The following WDR72 variants were observed in gnomAD, a reference collection of about 807,000 sequenced individuals.
WDR72 encodes WD repeat-containing protein 72.
Under a neutral mutation model 124.2 loss-of-function variants are expected in WDR72, and 120 were observed. That is an observed-to-expected ratio of 0.97 (90% CI 0.83 to 1.12). WDR72 has a LOEUF of 1.12. Ranked by LOEUF, WDR72 falls within the 50% of genes most tolerant of loss-of-function variation. The pLI is 0.00. For synonymous variants in WDR72, 452 were observed against 441.7 expected (o/e 1.02, Z -0.29); for missense variants, 1,387 against 1,278.8 (o/e 1.08, Z -1.29).
chr15:53,736,420 G>A (rs997001990), intron 1 of WDR72, among the ~76,000 whole-genome samples: 1 of 152,184 alleles, frequency 6.6e-6, no homozygotes, highest in Non-Finnish European at 1.5e-5. Context: ...GGGTATTGGA[G>A]CAGGAACAAG....
At chr15:53,677,021 C>T (rs553982205) in intron 13 of WDR72, among the ~76,000 whole-genome samples, 338 of 151,154 alleles carry the variant, frequency 2.2e-3, no homozygotes, top group Non-Finnish European at 4.2e-3. Context: ...CCTGGGTCCA[C>T]GCCATTCTCC....
intron 16 of WDR72, among the ~76,000 whole-genome samples, chr15:53,610,108 A>G (rs2013476062): frequency 6.6e-6 from 1 of 152,058 alleles, no homozygotes. Flanking sequence ...ACTTTGATCA[A>G]TAGGTAGAGC....
At chr15:53,705,644 G>T (rs892687161) in intron 10 of WDR72, among the ~76,000 whole-genome samples, 1 of 152,008 alleles carries the variant, frequency 6.6e-6, no homozygotes, top group African/African-American at 2.4e-5. Context: ...TTGTATTTTA[G>T]TAGAGACGGG....
At chr15:53,746,898 G>A (rs951305061) in intron 1 of WDR72, among the ~76,000 whole-genome samples, 1 of 152,212 alleles carries the variant, frequency 6.6e-6, no homozygotes, top group African/African-American at 2.4e-5. Context: ...TAGGACAGCA[G>A]AGTAAAGTGG....
intron 1 of WDR72, among the ~76,000 whole-genome samples, chr15:53,743,926 G>A (rs1229067869): frequency 6.7e-6 from 1 of 149,766 alleles, no homozygotes; most frequent in Non-Finnish European, 1.5e-5. Flanking sequence ...AGTGAGCTGA[G>A]ATCGCGCCAC....
chr15:53,592,440 G>A (rs945471279), intron 18 of WDR72, among the ~76,000 whole-genome samples: 8 of 152,028 alleles, frequency 5.3e-5, no homozygotes, highest in Admixed American at 4.6e-4. Flanking sequence ...CCTGCCCTGG[G>A]CCCGTACTTC....
chr15:53,693,481 G>GA (rs969324102), intron 13 of WDR72, among the ~76,000 whole-genome samples: 4 of 152,052 alleles, frequency 2.6e-5, no homozygotes, highest in African/African-American at 4.8e-5. Context: ...GAATATTTTT[G>GA]AAAAACATGA....
At chr15:53,549,960 G>A (rs1217458348) in intron 18 of WDR72, among the ~76,000 whole-genome samples, 3 of 152,148 alleles carry the variant, frequency 2.0e-5, no homozygotes, top group Non-Finnish European at 4.4e-5. Context: ...TTTCATTCAT[G>A]CAGATACTTT....
At chr15:53,519,825 A>AT (rs1184835010) in intron 19 of WDR72, among the ~76,000 whole-genome samples, 1 of 152,044 alleles carries the variant, frequency 6.6e-6, no homozygotes, top group African/African-American at 2.4e-5. Context: ...ATTGTGACCT[A>AT]TATGCAGACT....
At chr15:53,654,353 T>C (rs931339178) in intron 14 of WDR72, among the ~76,000 whole-genome samples, 22 of 152,326 alleles carry the variant, frequency 1.4e-4, no homozygotes, top group Admixed American at 5.9e-4. Flanking sequence ...TTATACCCTT[T>C]ATACAGATAG....
At chr15:53,649,273 C>G (rs1179373371) in intron 14 of WDR72, among the ~76,000 whole-genome samples, 1 of 152,062 alleles carries the variant, frequency 6.6e-6, no homozygotes, top group Non-Finnish European at 1.5e-5. Flanking sequence ...GTAGGTGTAC[C>G]AGAGACTGTA....
At chr15:53,670,765 C>T (rs925554016) in intron 13 of WDR72, among the ~76,000 whole-genome samples, 36 of 152,152 alleles carry the variant, frequency 2.4e-4, no homozygotes, top group African/African-American at 8.2e-4. Context: ...TTAGAGGTTT[C>T]GGCACACAGT....
chr15:53,674,761 T>C (rs1364199776), intron 13 of WDR72, among the ~76,000 whole-genome samples: 1 of 152,110 alleles, frequency 6.6e-6, no homozygotes, highest in Non-Finnish European at 1.5e-5. Flanking sequence ...TAAGGGTATA[T>C]AGGATACATT....
intron 18 of WDR72, among the ~76,000 whole-genome samples, chr15:53,595,292 T>A (rs556066054): frequency 8.7e-6 from 1 of 114,750 alleles, no homozygotes; most frequent in East Asian, 2.0e-4. Flanking sequence ...TATCAACAGT[T>A]CTTTCTTTAA....
chr15:53,717,012 C>T (rs148309428), intron 3 of WDR72, among the ~76,000 whole-genome samples: 3,972 of 152,196 alleles, frequency 0.026, 70 homozygotes, highest in Non-Finnish European at 0.041. Context: ...CTTGAAAATG[C>T]TTTATTTCAC....
At chr15:53,566,221 C>CAAGTACATGCTGGTAG (rs758369106) in intron 18 of WDR72, among the ~76,000 whole-genome samples, 1 of 151,852 alleles carries the variant, frequency 6.6e-6, no homozygotes, top group Non-Finnish European at 1.5e-5. Context: ...ATTACTTGTC[C>CAAGTACATGCTGGTAG]AAGTACATGC....
chr15:53,731,087 C>CT (rs1410341878), intron 2 of WDR72, among the ~76,000 whole-genome samples: 1 of 152,264 alleles, frequency 6.6e-6, no homozygotes, highest in African/African-American at 2.4e-5. Context: ...GTGTAATTAA[C>CT]TTTTGCACAA....
At chr15:53,699,676 G>T in intron 13 of WDR72, 74 bp downstream of exon 13, 1 of 1,539,026 alleles carries the variant, frequency 6.5e-7, no homozygotes, top group Non-Finnish European at 9.0e-7. Context: ...TGTCTTCTCT[G>T]AAACTTTCCA....
At position 53,747,567 on chromosome 15, in the gene WDR72, T is replaced by A. The variant is rs1410201467; in HGVS notation, c.-13+12066A>T. 2.0e-5 allele frequency among the ~76,000 whole-genome samples: 3 copies of A among 152,162 alleles called. No homozygotes were observed. The East Asian group carries it at 5.8e-4, about 29-fold the overall frequency. ...CCAAACACTCATGACCTGGAACACA[T>A]ATAAAGCAAAACAGCCAAGAAATCA... On this transcript the variant is annotated intron_variant, in intron 1 of 19. Coordinates refer to ENST00000360509, the MANE Select transcript of WDR72 (RefSeq NM_182758.4).
Sources: allele counts gnomAD v4.1 joint callset (sites outside exome capture counted in the v4.1 genomes callset), GRCh38; gene constraint gnomAD v4.1.1; transcripts MANE v1.5; gene names NCBI Gene and HGNC (gene_info 2026-07-23, HGNC 2026-07-21).